LAPTM5: variants seen among roughly 807,000 people sequenced by gnomAD.
The protein encoded by LAPTM5 is lysosomal-associated transmembrane protein 5.
A neutral mutation model predicts 30.1 loss-of-function variants in LAPTM5; 11 were observed. The ratio of observed to expected loss-of-function variants is 0.37; its 90% CI spans 0.23 to 0.60. The LOEUF (loss-of-function observed/expected upper bound fraction) is 0.60. Among genes scored for constraint, LAPTM5 ranks in the 20% least tolerant of loss-of-function variants. The pLI, the probability that LAPTM5 is intolerant of heterozygous loss-of-function variation, is 0.71. For missense variants in LAPTM5, 324 were observed against 332.5 expected (o/e 0.97, Z 0.20); for synonymous variants, 151 against 137.9 (o/e 1.10, Z -0.67).
At chr1:30,752,417 TG>T (rs1378621820) in intron 1 of LAPTM5, among the ~76,000 whole-genome samples, 1 of 152,190 alleles carries the variant, frequency 6.6e-6, no homozygotes, top group Admixed American at 6.5e-5. Flanking sequence ...ACACACCTCG[TG>T]GCCACCCCTC....
At chr1:30,757,633 C>CAGG in intron 1 of LAPTM5, 26 bp downstream of exon 1, 1 of 1,609,196 alleles carries the variant, frequency 6.2e-7, no homozygotes, top group South Asian at 1.1e-5. Flanking sequence ...CACGCACGCA[C>CAGG]ACACACCCGG....
intron 1 of LAPTM5, among the ~76,000 whole-genome samples, chr1:30,754,774 T>C (rs868472640): frequency 5.3e-5 from 8 of 152,082 alleles, no homozygotes; most frequent in African/African-American, 1.2e-4. Context: ...CATGACTCAA[T>C]AGAGCGTGGC....
At chr1:30,750,629 G>A (rs1226508664) in intron 1 of LAPTM5, among the ~76,000 whole-genome samples, 3 of 152,170 alleles carry the variant, frequency 2.0e-5, no homozygotes, top group African/African-American at 7.2e-5. Flanking sequence ...CTCTGGGGAT[G>A]GCAGAGCTGA....
chr1:30,734,644 G>A (rs1007249062), intron 7 of LAPTM5, among the ~76,000 whole-genome samples: 1 of 152,240 alleles, frequency 6.6e-6, no homozygotes, highest in Non-Finnish European at 1.5e-5. Flanking sequence ...TTACAGGTGA[G>A]GAAAGTAAGT....
Position 30,741,825 on chromosome 1 carries a change from A to C in LAPTM5, c.182-109T>G, listed in dbSNP as rs1276622137. On this transcript the variant is annotated intron_variant, in intron 2 of 7. Coordinates refer to ENST00000294507, the MANE Select transcript of LAPTM5 (RefSeq NM_006762.3). ...CTGGTTTGGGGACATGAGGATGCACAGGAAAGCCCAGGCCCTGCCCTCTTG... is the reference window on the plus strand; with the variant it reads ...CTGGTTTGGGGACATGAGGATGCACCGGAAAGCCCAGGCCCTGCCCTCTTG... The C allele has an allele frequency of 7.2e-6, 5 of 690,602 alleles. No homozygotes were observed. The East Asian group carries it at 1.5e-4, about 20-fold the overall frequency. 42.8% of individuals were successfully genotyped at this position (690,602 alleles called of 1,614,324 possible).
At chr1:30,743,327 A>AT (rs1639997860) in intron 1 of LAPTM5, among the ~76,000 whole-genome samples, 3 of 152,208 alleles carry the variant, frequency 2.0e-5, no homozygotes, top group African/African-American at 7.2e-5. Flanking sequence ...GAATGAATGA[A>AT]CAAATGAACC....
At chr1:30,754,618 TA>T (rs367878097) in intron 1 of LAPTM5, among the ~76,000 whole-genome samples, 1 of 152,152 alleles carries the variant, frequency 6.6e-6, no homozygotes, top group Admixed American at 6.5e-5. Context: ...ATAGATTTTT[TA>T]AAAAAAGAAA....
Position 30,742,559 on chromosome 1 carries a change from AAGCAAAGCATCAGTC to A in LAPTM5, c.88-25_88-11del. The A allele has an allele frequency of 6.2e-7, 1 of 1,609,794 alleles. No individual in the cohort carries two copies. Among genetic ancestry groups the A allele is most frequent in the Non-Finnish European group, 8.5e-7 (1 of 1,177,554 alleles). The stretch of plus-strand genomic sequence containing the variant: ...ACAAGACGCTCATGATCTGGAGGCA[AAGCAAAGCATCAGTC>A]AGCTGAGCCTGCATCACGGCCCCCC... On this transcript the variant is annotated splice_polypyrimidine_tract_variant and intron_variant, in intron 1 of 7. Transcript: ENST00000294507.
Position 30,740,331 on chromosome 1 carries a change from G to A in LAPTM5, c.259-394C>T, listed in dbSNP as rs530556283. ...GGAAGGAGACTAGGAGTGAACAGGA[G>A]GGAGGGGCGGGGCACTGGAGGCAGA... On this transcript the variant is annotated intron_variant, in intron 3 of 7. Transcript: ENST00000294507. 3.3e-5 allele frequency among the ~76,000 whole-genome samples: 5 copies of A among 152,122 alleles called. No homozygotes were observed. The South Asian group carries it at 1.0e-3, about 32-fold the overall frequency.
chr1:30,737,031 C>T (rs1343716490), intron 6 of LAPTM5, among the ~76,000 whole-genome samples: 1 of 152,142 alleles, frequency 6.6e-6, no homozygotes, highest in Non-Finnish European at 1.5e-5. Flanking sequence ...TTTCTTGTCT[C>T]TTCACGTTGC....
chr1:30,757,120 G>A (rs1370674816), intron 1 of LAPTM5, among the ~76,000 whole-genome samples: 1 of 152,236 alleles, frequency 6.6e-6, no homozygotes, highest in Non-Finnish European at 1.5e-5. Context: ...GAAGCTGAGA[G>A]GACACGGCCC....
rs368573187 is a variant in LAPTM5, at chr1:30,746,967, C to T, written c.88-4418G>A. Among the ~76,000 whole-genome samples the T allele has an allele frequency of 2.5e-4, 38 of 152,144 alleles. No individual in the cohort carries two copies. The highest frequency in any genetic ancestry group is 8.7e-4 in the African/African-American group (36 of 41,432). On this transcript the variant is annotated intron_variant, in intron 1 of 7. Transcript: ENST00000294507. The surrounding 1 kb of genome is among the most constrained non-coding windows in gnomAD (Gnocchi z 4.0). ...CAGTAAACACTCTCTGAGCACCTAC[C>T]GCCTCCAAACTCTGTCTAGAAAAGC...
At position 30,749,201 on chromosome 1, in the gene LAPTM5, C is replaced by T. The variant is rs972708644; in HGVS notation, c.88-6652G>A. Among the ~76,000 whole-genome samples the T allele has an allele frequency of 2.2e-4, 33 of 152,218 alleles. 1 individual carries two copies. Among genetic ancestry groups the T allele is most frequent in the East Asian group, 7.7e-4 (4 of 5,196 alleles). On this transcript the variant is annotated intron_variant, in intron 1 of 7. Coordinates refer to ENST00000294507, the MANE Select transcript of LAPTM5 (RefSeq NM_006762.3). ...AGTTAGCTACCCGCAACCACACAGA[C>T]GAAGCTCCCAAACATAACGTTGGGA...
intron 5 of LAPTM5, among the ~76,000 whole-genome samples, 170 bp downstream of exon 5, chr1:30,738,770 C>G (rs1042418355): frequency 2.6e-5 from 4 of 152,198 alleles, no homozygotes; most frequent in African/African-American, 9.7e-5. Flanking sequence ...TCACTCCTGA[C>G]AAGTTTCTTC....
intron 1 of LAPTM5, among the ~76,000 whole-genome samples, chr1:30,754,462 G>A (rs1179751688): frequency 6.6e-6 from 1 of 152,182 alleles, no homozygotes; most frequent in Non-Finnish European, 1.5e-5. Flanking sequence ...CTTGAACCCA[G>A]GAGTTCAAGG....
At chr1:30,749,499 G>A (rs1640099119) in intron 1 of LAPTM5, among the ~76,000 whole-genome samples, 2 of 152,296 alleles carry the variant, frequency 1.3e-5, no homozygotes, top group South Asian at 4.1e-4. Flanking sequence ...GAAAAGGTTT[G>A]CAAAAATCAA....
intron 3 of LAPTM5, 34 bp downstream of exon 3, chr1:30,741,606 G>C: frequency 1.3e-6 from 2 of 1,518,232 alleles, no homozygotes; most frequent in Non-Finnish European, 1.8e-6. Context: ...ATAACAGGAA[G>C]GGGCAGGGGG....
chr1:30,739,148 G>C lies in LAPTM5; in HGVS notation c.388-86C>G, dbSNP rs747836782. 2 of 1,489,178 alleles carry C rather than the reference G, an allele frequency of 1.3e-6. No individual in the cohort carries two copies. Among genetic ancestry groups the C allele is most frequent in the East Asian group, 5.1e-5 (2 of 39,576 alleles). 92.2% of individuals were successfully genotyped at this position (1,489,178 alleles called of 1,614,324 possible). On this transcript the variant is annotated intron_variant, in intron 4 of 7. Transcript: ENST00000294507. This position sits in a 1 kb window ranked among gnomAD's most constrained non-coding sequence, Gnocchi z 4.2. ...AGCGGCACATAGTAGGCCCTCACTTGAGAGACCGTCTCAGCTACAGACATC... is the reference window on the plus strand; with the variant it reads ...AGCGGCACATAGTAGGCCCTCACTTCAGAGACCGTCTCAGCTACAGACATC...
chr1:30,745,028 G>A (rs750126151), intron 1 of LAPTM5, among the ~76,000 whole-genome samples: 30 of 151,910 alleles, frequency 2.0e-4, no homozygotes, highest in Admixed American at 1.3e-3. Context: ...GACATTACCC[G>A]ACTTTAGAGA....
Sources: allele counts gnomAD v4.1 joint callset (sites outside exome capture counted in the v4.1 genomes callset), GRCh38; gene constraint gnomAD v4.1.1; non-coding constraint Gnocchi (gnomAD v3.1); transcripts MANE v1.5; gene names NCBI Gene and HGNC (gene_info 2026-07-23, HGNC 2026-07-21).